ADGRB3: variants seen among roughly 807,000 people sequenced by gnomAD.
ADGRB3 encodes the protein brain-specific angiogenesis inhibitor 3.
ADGRB3 carries 37 observed loss-of-function variants against 193.4 expected under a neutral mutation model. The ratio of observed to expected loss-of-function variants is 0.19; its 90% CI spans 0.15 to 0.25. The LOEUF (loss-of-function observed/expected upper bound fraction) is 0.25. Among genes scored for constraint, ADGRB3 ranks in the 10% least tolerant of loss-of-function variants. ADGRB3 has a pLI of 1.00. For synonymous variants in ADGRB3, 690 were observed against 644.2 expected, an observed-to-expected ratio of 1.07 and a Z score of -1.08; for missense variants, 1,637 against 1,852.9, an observed-to-expected ratio of 0.88 and a Z score of 2.14.
intron 17 of ADGRB3, among the ~76,000 whole-genome samples, chr6:69,086,974 T>G (rs1476163949): frequency 6.6e-6 from 1 of 152,116 alleles, no homozygotes; most frequent in Non-Finnish European, 1.5e-5. Context: ...GTTAGAAACG[T>G]AATTGTAATA....
At chr6:68,645,963 G>A (rs769735159) in intron 3 of ADGRB3, among the ~76,000 whole-genome samples, 1 of 151,810 alleles carries the variant, frequency 6.6e-6, no homozygotes, top group South Asian at 2.1e-4. Context: ...AGGAGCCACC[G>A]TGGCCAGCCC....
At chr6:68,906,177 G>T (rs1766540014) in intron 3 of ADGRB3, among the ~76,000 whole-genome samples, 1 of 151,382 alleles carries the variant, frequency 6.6e-6, no homozygotes, top group Admixed American at 6.6e-5. Context: ...CTCAAATGTG[G>T]CATTAATTTC....
chr6:69,061,491 G>A (rs1205345380), intron 15 of ADGRB3, among the ~76,000 whole-genome samples: 1 of 151,988 alleles, frequency 6.6e-6, no homozygotes, highest in Non-Finnish European at 1.5e-5. Flanking sequence ...AATTAAGTAT[G>A]CCTTTACAGC....
chr6:68,852,450 A>C (rs1768423683), intron 3 of ADGRB3, among the ~76,000 whole-genome samples: 1 of 152,030 alleles, frequency 6.6e-6, no homozygotes. Context: ...TGATTAGTAC[A>C]AAACTGTATT....
At chr6:68,843,048 C>A (rs1217669643) in intron 3 of ADGRB3, among the ~76,000 whole-genome samples, 6 of 88,094 alleles carry the variant, frequency 6.8e-5, no homozygotes, top group African/African-American at 5.2e-5. Context: ...CCATATACAA[C>A]AACAAAAAAA....
chr6:69,055,789 T>A (rs923710654), intron 15 of ADGRB3, among the ~76,000 whole-genome samples: 4 of 150,710 alleles, frequency 2.7e-5, no homozygotes, highest in Non-Finnish European at 5.9e-5. Context: ...ACATTTGTTA[T>A]GTTGTTTTTT....
At chr6:68,814,250 T>C (rs801260) in intron 3 of ADGRB3, among the ~76,000 whole-genome samples, 106,869 of 151,956 alleles carry the variant, frequency 0.7, 37,874 homozygotes, top group East Asian at 0.85. Context: ...ATTGCCATTC[T>C]AACTGGTGTG....
chr6:68,950,255 C>T (rs1249454156), intron 6 of ADGRB3, among the ~76,000 whole-genome samples: 1 of 152,088 alleles, frequency 6.6e-6, no homozygotes, highest in African/African-American at 2.4e-5. Flanking sequence ...CACGGTCCCA[C>T]TGTATTTCCC....
chr6:69,330,734 A>G (rs1220251905), intron 23 of ADGRB3, among the ~76,000 whole-genome samples, 162 bp downstream of exon 23: 1 of 152,112 alleles, frequency 6.6e-6, no homozygotes, highest in African/African-American at 2.4e-5. Flanking sequence ...TCAGCCCTTT[A>G]TTATTCTAAA....
intron 17 of ADGRB3, among the ~76,000 whole-genome samples, chr6:69,181,445 T>C (rs1483206194): frequency 6.6e-6 from 1 of 152,158 alleles, no homozygotes; most frequent in Non-Finnish European, 1.5e-5. Context: ...TTAAAACCTA[T>C]AAATGCACGA....
Position 68,748,051 on chromosome 6 carries a change from A to G in ADGRB3, c.757+108619A>G, listed in dbSNP as rs144066434. On this transcript the variant is annotated intron_variant, in intron 3 of 31. Transcript: ENST00000370598. ...TCACTATCACGAGAATAGCATGGAA[A>G]AGACTGGCCTCCATGATTCAGTTGC... Among the ~76,000 whole-genome samples, 97 of 152,268 alleles carry G rather than the reference A, an allele frequency of 6.4e-4. 1 individual carries two copies. The highest frequency in any genetic ancestry group is 2.2e-3 in the African/African-American group (91 of 41,552).
intron 3 of ADGRB3, among the ~76,000 whole-genome samples, chr6:68,713,817 T>C (rs1237101382): frequency 6.6e-6 from 1 of 151,746 alleles, no homozygotes; most frequent in Admixed American, 6.6e-5. Flanking sequence ...GAAATTAATA[T>C]TTATTATCCC....
intron 20 of ADGRB3, among the ~76,000 whole-genome samples, chr6:69,282,817 A>G (rs1430525736): frequency 6.6e-6 from 1 of 152,200 alleles, no homozygotes; most frequent in East Asian, 1.9e-4. Context: ...AGCATAGAAT[A>G]ATTTCTGCCT....
chr6:68,985,163 A>G (rs367764526), intron 10 of ADGRB3, among the ~76,000 whole-genome samples: 2 of 152,158 alleles, frequency 1.3e-5, no homozygotes, highest in African/African-American at 4.8e-5. Context: ...ATGCAGGTGC[A>G]GGGAAGGTAT....
chr6:68,845,017 C>CA (rs1224754002), intron 3 of ADGRB3, among the ~76,000 whole-genome samples: 1 of 151,488 alleles, frequency 6.6e-6, no homozygotes, highest in Admixed American at 6.6e-5. Flanking sequence ...CTAATGCATA[C>CA]AAAAAAATAG....
intron 3 of ADGRB3, among the ~76,000 whole-genome samples, chr6:68,797,487 A>T (rs940608980): frequency 2.6e-5 from 4 of 152,072 alleles, no homozygotes; most frequent in Non-Finnish European, 5.9e-5. Flanking sequence ...CATCCAGCCC[A>T]GGTGGAGGGC....
chr6:68,731,880 T>A (rs983812627), intron 3 of ADGRB3, among the ~76,000 whole-genome samples: 1 of 151,618 alleles, frequency 6.6e-6, no homozygotes, highest in Non-Finnish European at 1.5e-5. Context: ...AATTAAGAAA[T>A]CTAAACATTT....
intron 17 of ADGRB3, among the ~76,000 whole-genome samples, chr6:69,172,183 T>C (rs547946277): frequency 8.1e-4 from 124 of 152,298 alleles, no homozygotes; most frequent in African/African-American, 2.9e-3. Flanking sequence ...GAGGAATAAA[T>C]GTCTATTTGT....
chr6:68,786,005 T>C (rs1260320203), intron 3 of ADGRB3, among the ~76,000 whole-genome samples: 1 of 151,994 alleles, frequency 6.6e-6, no homozygotes, highest in East Asian at 1.9e-4. Context: ...GATGGGGTTG[T>C]TTTTTTCTTG....
Sources: gnomAD v4.1 joint callset for allele counts (sites outside exome capture counted in the v4.1 genomes callset) on GRCh38, gnomAD v4.1.1 for gene constraint, MANE v1.5 for transcripts, NCBI Gene and HGNC (gene_info 2026-07-23, HGNC 2026-07-21) for gene names.